The following LRRK1 variants were observed in gnomAD, a reference collection of about 807,000 sequenced individuals.
LRRK1 encodes the protein leucine rich repeat kinase 1, also known as leucine-rich repeat serine/threonine-protein kinase 1.
A neutral mutation model predicts 209.1 loss-of-function variants in LRRK1; 113 were observed. That is an observed-to-expected ratio of 0.54 (90% CI 0.46 to 0.63). The LOEUF (loss-of-function observed/expected upper bound fraction) is 0.63. Among genes scored for constraint, LRRK1 ranks in the 30% least tolerant of loss-of-function variants. The probability of loss-of-function intolerance (pLI) is 0.00; values close to 1 mark genes in which losing one functional copy is unlikely to be tolerated. For missense variants in LRRK1, 2,284 were observed against 2,632.2 expected (o/e 0.87, Z 2.89); for synonymous variants, 1,144 against 1,099.7 (o/e 1.04, Z -0.80).
chr15:101,009,694 TC>T (rs2033142670), intron 7 of LRRK1, among the ~76,000 whole-genome samples: 1 of 152,178 alleles, frequency 6.6e-6, no homozygotes, highest in Non-Finnish European at 1.5e-5. Context: ...TTCAAGCAAT[TC>T]TCCTGTCTCA....
chr15:101,007,942 G>C (rs1038511348), intron 6 of LRRK1, among the ~76,000 whole-genome samples: 7 of 152,010 alleles, frequency 4.6e-5, no homozygotes, highest in Non-Finnish European at 1.0e-4. Context: ...CCCGAGGTCA[G>C]GAGTTTGAGA....
chr15:101,013,094 A>G, intron 10 of LRRK1, among the ~76,000 whole-genome samples: 1 of 151,700 alleles, frequency 6.6e-6, no homozygotes, highest in Non-Finnish European at 1.5e-5. Context: ...CCAGAGCTTC[A>G]CTGTGGGCCT....
At chr15:100,953,152 C>A (rs549921522) in intron 2 of LRRK1, among the ~76,000 whole-genome samples, 1 of 152,234 alleles carries the variant, frequency 6.6e-6, no homozygotes, top group African/African-American at 2.4e-5. Flanking sequence ...CACTTAAGAT[C>A]TACTCTTTTA....
At chr15:101,062,772 G>T in intron 31 of LRRK1, 82 bp downstream of exon 31, 1 of 1,031,006 alleles carries the variant, frequency 9.7e-7, no homozygotes, top group Non-Finnish European at 1.5e-6. Context: ...TGTCAGGGTG[G>T]CGCCTGCAGA....
intron 2 of LRRK1, among the ~76,000 whole-genome samples, chr15:100,942,102 C>T (rs1596175096): frequency 1.3e-5 from 2 of 152,298 alleles, no homozygotes; most frequent in Middle Eastern, 3.4e-3. Context: ...TGGCTGCAGC[C>T]GGGCTCAGCC....
intron 20 of LRRK1, 152 bp from the exon 21 acceptor site, chr15:101,045,829 T>C (rs2035044319): frequency 3.1e-6 from 2 of 643,178 alleles, no homozygotes; most frequent in African/African-American, 1.8e-5. Flanking sequence ...CTCTTACTAA[T>C]AACAGAATTC....
intron 2 of LRRK1, among the ~76,000 whole-genome samples, chr15:100,931,792 C>T (rs1019008928): frequency 1.3e-5 from 2 of 152,196 alleles, no homozygotes; most frequent in African/African-American, 2.4e-5. Flanking sequence ...AGCGAAGAAC[C>T]GCTGCCTGAC....
At chr15:101,055,918 C>T (rs2035768155) in intron 27 of LRRK1, among the ~76,000 whole-genome samples, 1 of 152,202 alleles carries the variant, frequency 6.6e-6, no homozygotes, top group Non-Finnish European at 1.5e-5. Flanking sequence ...TCTGGTGATT[C>T]TACAGATGGT....
chr15:100,994,712 C>A (rs1222401939), intron 6 of LRRK1, among the ~76,000 whole-genome samples: 2 of 152,210 alleles, frequency 1.3e-5, no homozygotes, highest in African/African-American at 2.4e-5. Flanking sequence ...CCTTGAGCTT[C>A]CCCAAAGCAG....
intron 6 of LRRK1, among the ~76,000 whole-genome samples, chr15:100,993,623 A>T (rs2032266115): frequency 6.6e-6 from 1 of 152,088 alleles, no homozygotes; most frequent in Non-Finnish European, 1.5e-5. Context: ...ACCTTGGATA[A>T]GTTTTCCCAG....
intron 6 of LRRK1, among the ~76,000 whole-genome samples, chr15:101,006,229 AG>A (rs1156522767): frequency 7.2e-5 from 11 of 152,202 alleles, no homozygotes; most frequent in Admixed American, 1.3e-4. Flanking sequence ...TGCCCAAAAT[AG>A]CTAACTTTAA....
chr15:100,989,875 T>G (rs923208122), intron 6 of LRRK1, among the ~76,000 whole-genome samples: 4 of 152,140 alleles, frequency 2.6e-5, no homozygotes, highest in African/African-American at 9.7e-5. Flanking sequence ...TTTTTTTCTC[T>G]TTTCCTTTTT....
At position 101,070,445 on chromosome 15, in the gene LRRK1, C is replaced by G. The variant is rs1228168976; in HGVS notation, c.*1597C>G. 2 of 151,936 alleles carry G rather than the reference C, an allele frequency of 1.3e-5. No homozygotes were observed. Among genetic ancestry groups the G allele is most frequent in the Non-Finnish European group, 2.9e-5 (2 of 68,084 alleles). The allele number at this position is 151,936 out of a possible 1,614,324, so 9.4% of individuals were successfully genotyped here. On this transcript the variant is annotated 3_prime_UTR_variant, in exon 34 of 34. Coordinates refer to ENST00000388948, the MANE Select transcript of LRRK1 (RefSeq NM_024652.6). ...CAGGGTCTCAGGAGTCCCACTCTCC[C>G]TCTCCTCTCATTCCAGTGCCCCACA...
Position 100,988,808 on chromosome 15 carries a change from A to T in LRRK1, c.608A>T (p.Lys203Met), listed in dbSNP as rs1458359895. Residue 203 changes from lysine to methionine, a missense_variant, in exon 5 of 34, where the codon AAG becomes ATG. Physicochemically the swap from Lys to Met is moderately conservative, Grantham distance 95. Coordinates refer to ENST00000388948, the MANE Select transcript of LRRK1 (RefSeq NM_024652.6). ...IVRLPLYAAI[K>M]SGNEDIAIFL... is the part of the protein sequence containing the mutation. ...CGCTTGCCCCTGTATGCGGCCATCA[A>T]GTCAGGTGGGTTTCCCCACTACCCT... is the stretch of plus-strand genomic sequence containing the variant. The T allele has an allele frequency of 6.3e-7, 1 of 1,596,978 alleles. No individual in the cohort carries two copies.
intron 31 of LRRK1, among the ~76,000 whole-genome samples, chr15:101,063,645 C>G (rs1018252616): frequency 1.3e-5 from 2 of 150,236 alleles, no homozygotes; most frequent in Non-Finnish European, 3.0e-5. Context: ...TGACTGTCAT[C>G]ATCCAATTCC....
intron 12 of LRRK1, among the ~76,000 whole-genome samples, chr15:101,016,034 G>C (rs1182599523): frequency 6.6e-6 from 1 of 150,854 alleles, no homozygotes; most frequent in Non-Finnish European, 1.5e-5. Context: ...CTGTCGCCCA[G>C]GCTGGAGTGC....
chr15:101,067,076 T>G (rs2036572533), intron 33 of LRRK1, among the ~76,000 whole-genome samples: 1 of 152,162 alleles, frequency 6.6e-6, no homozygotes, highest in South Asian at 2.1e-4. Context: ...CTGTTCTTCC[T>G]GCCAAGCAGG....
At chr15:100,963,996 T>G (rs1449346242) in intron 2 of LRRK1, among the ~76,000 whole-genome samples, 1 of 152,216 alleles carries the variant, frequency 6.6e-6, no homozygotes, top group Non-Finnish European at 1.5e-5. Context: ...CATCTCCCTC[T>G]TATTAACAAA....
chr15:100,976,222 G>C (rs147598644), intron 3 of LRRK1, among the ~76,000 whole-genome samples: 1 of 152,100 alleles, frequency 6.6e-6, no homozygotes, highest in Non-Finnish European at 1.5e-5. Flanking sequence ...GGTTTTACTG[G>C]TGTGTTCTAC....
Sources: allele counts gnomAD v4.1 joint callset (sites outside exome capture counted in the v4.1 genomes callset), GRCh38; gene constraint gnomAD v4.1.1; transcripts MANE v1.5; gene names NCBI Gene and HGNC (gene_info 2026-07-23, HGNC 2026-07-21).